ZNF556: variants seen among roughly 807,000 people sequenced by gnomAD.
The protein encoded by ZNF556 is zinc finger protein 556.
Under a neutral mutation model 13.6 loss-of-function variants are expected in ZNF556, and 11 were observed. The observed-to-expected ratio is 0.81, with a 90% CI of 0.51 to 1.33. The LOEUF (loss-of-function observed/expected upper bound fraction) is 1.33. ZNF556 is among the 40% of genes most tolerant of loss of function. The probability of loss-of-function intolerance (pLI) is 0.00; values close to 1 mark genes in which losing one functional copy is unlikely to be tolerated. For missense variants in ZNF556, 633 were observed against 566.2 expected (o/e 1.12, Z -1.20); for synonymous variants, 229 against 207.8 (o/e 1.10, Z -0.88).
chr19:2,871,166 G>GAA (rs59136663), intron 1 of ZNF556, among the ~76,000 whole-genome samples: 4 of 148,480 alleles, frequency 2.7e-5, no homozygotes, highest in African/African-American at 9.8e-5. Flanking sequence ...GCCGTCTCAA[G>GAA]AAAAAAAAAA....
chr19:2,869,241 C>T (rs2087782107), intron 1 of ZNF556, among the ~76,000 whole-genome samples: 1 of 152,210 alleles, frequency 6.6e-6, no homozygotes, highest in Admixed American at 6.6e-5. Context: ...TTACCGCCTA[C>T]ATCTCAGTTG....
chr19:2,875,986 A>G, intron 2 of ZNF556, 107 bp from the exon 3 acceptor site: 1 of 978,304 alleles, frequency 1.0e-6, no homozygotes, highest in East Asian at 2.8e-5. Context: ...ATAAATAGAT[A>G]AATAAAATAA....
intron 2 of ZNF556, among the ~76,000 whole-genome samples, chr19:2,874,535 G>C (rs1431302910): frequency 6.6e-6 from 1 of 151,900 alleles, no homozygotes; most frequent in African/African-American, 2.4e-5. Context: ...ACGAGGTCAG[G>C]AGTTTGATAC....
At chr19:2,876,028 C>A in intron 2 of ZNF556, 65 bp from the exon 3 acceptor site, 1 of 1,344,104 alleles carries the variant, frequency 7.4e-7, no homozygotes, top group Non-Finnish European at 1.0e-6. Flanking sequence ...AACAATTAAA[C>A]ACCTGAATTA....
chr19:2,871,391 G>A (rs780708925), intron 1 of ZNF556, among the ~76,000 whole-genome samples: 24 of 152,142 alleles, frequency 1.6e-4, no homozygotes, highest in African/African-American at 3.9e-4. Flanking sequence ...GATTGCCTGC[G>A]GCTGAGGGAC....
chr19:2,878,167 G>A lies in ZNF556; in HGVS notation c.1209G>A (p.Val403=), dbSNP rs1481282623. The change falls in exon 4 of 4, where the codon GTG becomes GTA. Residue 403 remains valine (V), a synonymous_variant. Transcript: ENST00000307635. The stretch of plus-strand genomic sequence containing the variant: ...AGAAACCTGTAAATGCAGCCAGTGT[G>A]GGAAAACCTTCAGGCGGGCTTTGCT... The part of the protein sequence containing the change: ...TGEKPVNAAS[V]GKPSGGLCSS... The A allele has an allele frequency of 1.2e-6, 2 of 1,614,158 alleles. No individual in the cohort carries two copies. Among genetic ancestry groups the A allele is most frequent in the South Asian group, 2.2e-5 (2 of 91,080 alleles).
intron 1 of ZNF556, 94 bp downstream of exon 1, chr19:2,867,518 C>T: frequency 1.3e-6 from 2 of 1,524,978 alleles, no homozygotes; most frequent in Non-Finnish European, 1.8e-6. Context: ...GGGGAGCCGC[C>T]CGGAACCCCC....
In ZNF556 at chr19:2,882,060, A is replaced by G. The variant is rs2144899234; in HGVS notation, c.*3731A>G. ...CAAGAGGTCCAGGCTGCAATGAGTT[A>G]TCTTGCCACTGTACTCCAGCCAGGG... On this transcript the variant is annotated 3_prime_UTR_variant, in exon 4 of 4. Coordinates refer to ENST00000307635, the MANE Select transcript of ZNF556 (RefSeq NM_024967.3). 1 of 152,216 alleles carries G rather than the reference A, an allele frequency of 6.6e-6. No individual in the cohort carries two copies. Among genetic ancestry groups the G allele is most frequent in the Non-Finnish European group, 1.5e-5 (1 of 68,016 alleles). 9.4% of individuals were successfully genotyped at this position (152,216 alleles called of 1,614,324 possible). A position where few individuals can be genotyped will look rare whatever the true frequency, so the allele number is the denominator to read the frequency against.
chr19:2,882,531 AGT>A lies in ZNF556; in HGVS notation c.*4236_*4237del, dbSNP rs1555726894. ...ATACATTTTATATATATATATATAT[AGT>A]GTGTGTGTGTGTGTGTGTGTGTGTG... is the stretch of plus-strand genomic sequence containing the variant. On this transcript the variant is annotated 3_prime_UTR_variant, in exon 4 of 4. Transcript: ENST00000307635. The A allele has an allele frequency of 0.042, 5,393 of 127,636 alleles. 117 individuals carry two copies. The highest frequency in any genetic ancestry group is 0.055 in the Middle Eastern group (14 of 256). 7.9% of individuals were successfully genotyped at this position (127,636 alleles called of 1,614,324 possible). A position where few individuals can be genotyped will look rare whatever the true frequency, so the allele number is the denominator to read the frequency against.
At chr19:2,869,001 G>C (rs987807780) in intron 1 of ZNF556, among the ~76,000 whole-genome samples, 1 of 152,156 alleles carries the variant, frequency 6.6e-6, no homozygotes, top group Non-Finnish European at 1.5e-5. Context: ...TTACAGGCGT[G>C]AGCCACCACA....
chr19:2,871,862 A>G (rs2087805560), intron 1 of ZNF556, among the ~76,000 whole-genome samples: 1 of 152,162 alleles, frequency 6.6e-6, no homozygotes, highest in Non-Finnish European at 1.5e-5. Flanking sequence ...GATACAAGAC[A>G]AACGGGCAGG....
At chr19:2,874,743 CAAAAAAA>C (rs1165214161) in intron 2 of ZNF556, among the ~76,000 whole-genome samples, 1 of 65,514 alleles carries the variant, frequency 1.5e-5, no homozygotes, top group Non-Finnish European at 3.2e-5. Context: ...GACTCTGTCT[CAAAAAAA>C]AAAAAAAAAA....
rs1200658587 is a variant in ZNF556 at position 2,879,400 on chromosome 19, A to C, written c.*1071A>C. The C allele has an allele frequency of 6.6e-6, 1 of 151,914 alleles. No homozygotes were observed. Among genetic ancestry groups the C allele is most frequent in the Non-Finnish European group, 1.5e-5 (1 of 68,050 alleles). 9.4% of individuals were successfully genotyped at this position (151,914 alleles called of 1,614,324 possible). A position where few individuals can be genotyped will look rare whatever the true frequency, so the allele number is the denominator to read the frequency against. On this transcript the variant is annotated 3_prime_UTR_variant, in exon 4 of 4. Coordinates refer to ENST00000307635, the MANE Select transcript of ZNF556 (RefSeq NM_024967.3). ...AGTCCTGTTATGTTGCCCAAGCTGG[A>C]GTGCAACGGCACGATCTCGGCTCAC...
Position 2,867,444 on chromosome 19 carries a change from C to CGAGACG in ZNF556, c.3+23_3+24insACGGAG. ...GACATGGTGAGTGCAGGGCAGGAGCCGAGCCGGAGCCGGAGCCCTGGGAGG... is the reference window on the plus strand; with the variant it reads ...GACATGGTGAGTGCAGGGCAGGAGCCGAGACGGAGCCGGAGCCGGAGCCCTGGGAGG... On this transcript the variant is annotated intron_variant, in intron 1 of 3. Coordinates refer to ENST00000307635, the MANE Select transcript of ZNF556 (RefSeq NM_024967.3). 1.3e-6 allele frequency: 2 copies of CGAGACG among 1,582,154 alleles called. No individual in the cohort carries two copies. The highest frequency in any genetic ancestry group is 1.7e-6 in the Non-Finnish European group (2 of 1,165,442).
Position 2,871,038 on chromosome 19 carries a change from C to CA in ZNF556, c.4-2443dup, listed in dbSNP as rs57295849. On this transcript the variant is annotated intron_variant, in intron 1 of 3. Coordinates refer to ENST00000307635, the MANE Select transcript of ZNF556 (RefSeq NM_024967.3). Reference sequence around the variant, plus strand: ...TAGGTGACAGAGCGAGACTCTATCTCAAAAAAAAAAAAAAATTCTAAAGAC... The same window carrying CA: ...TAGGTGACAGAGCGAGACTCTATCTCAAAAAAAAAAAAAAAATTCTAAAGAC... Among the ~76,000 whole-genome samples the CA allele has an allele frequency of 7.2e-3, 932 of 128,944 alleles. 6 individuals are homozygous for CA. Among genetic ancestry groups the CA allele is most frequent in the East Asian group, 0.019 (82 of 4,318 alleles). The allele number at this position is 128,944 out of a possible 152,430, so 84.6% of individuals were successfully genotyped here.
intron 1 of ZNF556, among the ~76,000 whole-genome samples, chr19:2,871,887 C>T (rs1459183450): frequency 2.6e-5 from 4 of 152,120 alleles, no homozygotes; most frequent in Admixed American, 2.6e-4. Context: ...GGAGTGTGAG[C>T]CATCTCCAAT....
chr19:2,872,408 ACT>A lies in ZNF556; in HGVS notation c.4-1085_4-1084del, dbSNP rs1271422950. Among the ~76,000 whole-genome samples the A allele has an allele frequency of 2.6e-5, 4 of 150,978 alleles. No homozygotes were observed. In the East Asian group the frequency reaches 7.8e-4, roughly 29 times the overall value. ...TGTCTGGGCATAACAGAAGGCTCGC[ACT>A]CTTGTCTTCTGGTCACTCCTCACTA... On this transcript the variant is annotated intron_variant, in intron 1 of 3. Coordinates refer to ENST00000307635, the MANE Select transcript of ZNF556 (RefSeq NM_024967.3).
intron 2 of ZNF556, chr19:2,875,305 T>A (rs1426048285): frequency 6.6e-6 from 1 of 152,168 alleles, no homozygotes; most frequent in Non-Finnish European, 1.5e-5. Context: ...GCCATTCTCC[T>A]GCCTCAGCCT....
chr19:2,877,795 C>T lies in ZNF556; in HGVS notation c.837C>T (p.Ile279=), dbSNP rs1376920531. The change falls in exon 4 of 4, where the codon ATC becomes ATT. Residue 279 remains isoleucine, a synonymous_variant. Coordinates refer to ENST00000307635, the MANE Select transcript of ZNF556 (RefSeq NM_024967.3). The part of the protein sequence containing the change: ...RCQKSFRVHM[I]MHAGGRPYEC... Reference sequence around the variant, plus strand: ...AGAAATCCTTTCGAGTCCATATGATCATGCACGCCGGAGGGAGACCGTATG... The same window carrying T: ...AGAAATCCTTTCGAGTCCATATGATTATGCACGCCGGAGGGAGACCGTATG... 4 of 1,612,186 alleles carry T rather than the reference C, an allele frequency of 2.5e-6. No individual in the cohort carries two copies. The highest frequency in any genetic ancestry group is 1.3e-5 in the African/African-American group (1 of 74,536).
Sources: gnomAD v4.1 joint callset for allele counts (sites outside exome capture counted in the v4.1 genomes callset) on GRCh38, gnomAD v4.1.1 for gene constraint, MANE v1.5 for transcripts, NCBI Gene and HGNC (gene_info 2026-07-23, HGNC 2026-07-21) for gene names.